Variants in SEL1L2 observed in about 807,000 individuals in gnomAD.
SEL1L2 encodes the protein SEL1L2 adaptor subunit of SYVN1 ubiquitin ligase.
In SEL1L2, 89 loss-of-function variants were observed where a neutral mutation model predicts 98.8. The ratio of observed to expected loss-of-function variants is 0.90; its 90% CI spans 0.76 to 1.07. The LOEUF is 1.07. SEL1L2 is among the 50% of genes least tolerant of loss of function. SEL1L2 has a pLI of 0.00. For synonymous variants in SEL1L2, 262 were observed against 278.5 expected, an observed-to-expected ratio of 0.94 and a Z score of 0.59; for missense variants, 788 against 812.0, an observed-to-expected ratio of 0.97 and a Z score of 0.36.
At chr20:13,966,401 C>T (rs1275729155) in intron 1 of SEL1L2, among the ~76,000 whole-genome samples, 2 of 152,160 alleles carry the variant, frequency 1.3e-5, no homozygotes, top group African/African-American at 4.8e-5. Context: ...TCACTGCAAC[C>T]TCTGCCTCCT....
intron 5 of SEL1L2, among the ~76,000 whole-genome samples, chr20:13,906,123 G>A (rs541159558): frequency 6.6e-6 from 1 of 151,938 alleles, no homozygotes; most frequent in African/African-American, 2.4e-5. Context: ...TGATCTGCCC[G>A]CCTCAGCCTC....
chr20:13,896,395 G>A (rs977504377), intron 5 of SEL1L2, among the ~76,000 whole-genome samples: 4 of 152,132 alleles, frequency 2.6e-5, no homozygotes, highest in East Asian at 3.9e-4. Flanking sequence ...GCGTGAACCC[G>A]GAAGGTGGAG....
intron 10 of SEL1L2, 28 bp downstream of exon 10, chr20:13,885,319 A>G (rs764216268): frequency 6.7e-7 from 1 of 1,486,432 alleles, no homozygotes; most frequent in Admixed American, 1.7e-5. Context: ...TCCCCACCCC[A>G]TTTGACTGGA....
At chr20:13,970,724 C>T (rs770168174) in intron 1 of SEL1L2, among the ~76,000 whole-genome samples, 58 of 152,014 alleles carry the variant, frequency 3.8e-4, no homozygotes, top group Non-Finnish European at 6.5e-4. Flanking sequence ...CCCAGCTACT[C>T]GGGAGGCTGA....
At chr20:13,980,046 C>G (rs556885806) in intron 1 of SEL1L2, among the ~76,000 whole-genome samples, 1 of 152,020 alleles carries the variant, frequency 6.6e-6, no homozygotes, top group African/African-American at 2.4e-5. Context: ...GGGCAAAAAC[C>G]CTGAATAGAC....
chr20:13,888,856 C>T (rs1265460252), intron 5 of SEL1L2, among the ~76,000 whole-genome samples: 1 of 150,656 alleles, frequency 6.6e-6, no homozygotes, highest in East Asian at 2.0e-4. Flanking sequence ...CCCTGTTGGC[C>T]AGGATGGTCT....
intron 2 of SEL1L2, among the ~76,000 whole-genome samples, chr20:13,950,904 C>CTT (rs2050229640): frequency 6.6e-6 from 1 of 152,084 alleles, no homozygotes; most frequent in Non-Finnish European, 1.5e-5. Flanking sequence ...CATCAGGAGA[C>CTT]AACTAGGTTT....
At chr20:13,894,985 A>T (rs1305624203) in intron 5 of SEL1L2, among the ~76,000 whole-genome samples, 2 of 152,202 alleles carry the variant, frequency 1.3e-5, no homozygotes, top group African/African-American at 2.4e-5. Context: ...CTGATTCCAA[A>T]ACTAGACAAA....
chr20:13,880,270 T>C (rs2046633417), intron 10 of SEL1L2, among the ~76,000 whole-genome samples: 2 of 152,242 alleles, frequency 1.3e-5, no homozygotes, highest in Admixed American at 6.5e-5. Flanking sequence ...AGTTTCATTC[T>C]GGGAAATCAG....
chr20:13,983,023 CAAAAAAAAA>C (rs57993052), intron 1 of SEL1L2, among the ~76,000 whole-genome samples: 738 of 15,592 alleles, frequency 0.047, 34 homozygotes, highest in African/African-American at 0.1. Context: ...GACTCCATCT[CAAAAAAAAA>C]AAAAAAAAAA....
At chr20:13,930,086 C>T (rs1482784647) in intron 3 of SEL1L2, among the ~76,000 whole-genome samples, 3 of 152,216 alleles carry the variant, frequency 2.0e-5, no homozygotes, top group African/African-American at 2.4e-5. Context: ...CAATGGCCAC[C>T]GGCCTTCTGA....
intron 1 of SEL1L2, among the ~76,000 whole-genome samples, chr20:13,961,518 T>C (rs2050770548): frequency 6.6e-6 from 1 of 152,180 alleles, no homozygotes; most frequent in African/African-American, 2.4e-5. Context: ...CATAGAAGAC[T>C]TATAAGGTTT....
chr20:13,855,238 G>A (rs1011349988), intron 18 of SEL1L2, among the ~76,000 whole-genome samples: 1 of 152,072 alleles, frequency 6.6e-6, no homozygotes. Context: ...GGAATAAGTA[G>A]CCTAGAATCT....
chr20:13,924,381 C>T (rs986463964), intron 3 of SEL1L2, among the ~76,000 whole-genome samples: 1 of 151,414 alleles, frequency 6.6e-6, no homozygotes, highest in Non-Finnish European at 1.5e-5. Context: ...CTTCTTAAGC[C>T]ATCCTTTGAT....
At chr20:13,912,593 G>A (rs1303260247) in intron 5 of SEL1L2, among the ~76,000 whole-genome samples, 2 of 152,046 alleles carry the variant, frequency 1.3e-5, no homozygotes, top group Non-Finnish European at 2.9e-5. Flanking sequence ...CACCGCACCT[G>A]GCCCAATTTT....
At chr20:13,936,324 T>G (rs1386491977) in intron 2 of SEL1L2, among the ~76,000 whole-genome samples, 1 of 152,164 alleles carries the variant, frequency 6.6e-6, no homozygotes, top group Non-Finnish European at 1.5e-5. Flanking sequence ...AAACCACCTT[T>G]GTAAAACTAA....
intron 1 of SEL1L2, among the ~76,000 whole-genome samples, chr20:13,964,128 C>A (rs958867030): frequency 7.9e-5 from 12 of 151,986 alleles, no homozygotes; most frequent in Non-Finnish European, 1.2e-4. Context: ...CCCGCCTCGG[C>A]CTCCCAAAGT....
intron 13 of SEL1L2, 145 bp downstream of exon 13, chr20:13,869,996 A>G: frequency 1.7e-6 from 1 of 592,966 alleles, no homozygotes; most frequent in South Asian, 2.5e-5. Flanking sequence ...CAGAGATTTC[A>G]CTGGATTATT....
chr20:13,878,227 G>C (rs568071849), intron 10 of SEL1L2, among the ~76,000 whole-genome samples: 2 of 151,910 alleles, frequency 1.3e-5, no homozygotes, highest in East Asian at 3.9e-4. Context: ...GCCTCATCTC[G>C]ACCTTCCGGA....
Sources: allele counts gnomAD v4.1 joint callset (sites outside exome capture counted in the v4.1 genomes callset), GRCh38; gene constraint gnomAD v4.1.1; transcripts MANE v1.5; gene names NCBI Gene and HGNC (gene_info 2026-07-23, HGNC 2026-07-21).